Variants in NMNAT3 observed in about 807,000 individuals in gnomAD.
NMNAT3 encodes nicotinamide nucleotide adenylyltransferase 3.
Under a neutral mutation model 24.8 loss-of-function variants are expected in NMNAT3, and 21 were observed. The ratio of observed to expected loss-of-function variants is 0.85; its 90% CI spans 0.60 to 1.22. The LOEUF is 1.22. Ranked by LOEUF, NMNAT3 falls within the 50% of genes most tolerant of loss-of-function variation. NMNAT3 has a pLI of 0.00. For missense variants in NMNAT3, 387 were observed against 436.6 expected (o/e 0.89, Z 1.01); for synonymous variants, 136 against 155.2 (o/e 0.88, Z 0.92).
chr3:139,574,524 A>C (rs1938992715), intron 5 of NMNAT3, among the ~76,000 whole-genome samples: 1 of 152,244 alleles, frequency 6.6e-6, no homozygotes, highest in Non-Finnish European at 1.5e-5. Context: ...AAACACAGGC[A>C]ACCATTATAC....
chr3:139,569,249 A>T (rs1937676030), intron 6 of NMNAT3: 1 of 146,662 alleles, frequency 6.8e-6, no homozygotes, highest in Non-Finnish European at 1.5e-5. Context: ...TGCCCGTGAG[A>T]TGGGTTTCCT....
chr3:139,639,419 G>A (rs1053213444), intron 1 of NMNAT3, among the ~76,000 whole-genome samples: 1 of 152,212 alleles, frequency 6.6e-6, no homozygotes, highest in African/African-American at 2.4e-5. Flanking sequence ...GCTAACAGCA[G>A]CCTTGGAAGA....
chr3:139,597,063 T>C (rs1277290238), intron 3 of NMNAT3, among the ~76,000 whole-genome samples: 1 of 151,230 alleles, frequency 6.6e-6, no homozygotes, highest in Non-Finnish European at 1.5e-5. Context: ...TTAGTTCTAA[T>C]AGTTTTTCAA....
chr3:139,670,666 A>C (rs1006632224), intron 1 of NMNAT3, among the ~76,000 whole-genome samples: 1 of 152,228 alleles, frequency 6.6e-6, no homozygotes, highest in Non-Finnish European at 1.5e-5. Context: ...GTACACACAT[A>C]ATATCCAGTT....
At chr3:139,591,950 T>C (rs1190938717) in intron 3 of NMNAT3, among the ~76,000 whole-genome samples, 3 of 152,084 alleles carry the variant, frequency 2.0e-5, no homozygotes, top group South Asian at 2.1e-4. Flanking sequence ...TCACCAGCAA[T>C]GGAACAAAGC....
intron 1 of NMNAT3, among the ~76,000 whole-genome samples, chr3:139,649,056 C>G (rs1303348923): frequency 1.3e-5 from 2 of 152,122 alleles, no homozygotes; most frequent in African/African-American, 2.4e-5. Context: ...AGTGGACAGA[C>G]TTGGGCTTTA....
chr3:139,654,029 GCA>G (rs908217580), intron 1 of NMNAT3, among the ~76,000 whole-genome samples: 7 of 152,158 alleles, frequency 4.6e-5, no homozygotes, highest in African/African-American at 1.7e-4. Flanking sequence ...AGAGTACAGA[GCA>G]CACACAGTCT....
chr3:139,651,718 T>C (rs1317114171), intron 1 of NMNAT3, among the ~76,000 whole-genome samples: 1 of 152,162 alleles, frequency 6.6e-6, no homozygotes, highest in Non-Finnish European at 1.5e-5. Context: ...CCTAGACTCC[T>C]GGTCTCAGGG....
intron 1 of NMNAT3, among the ~76,000 whole-genome samples, chr3:139,659,400 G>C (rs1378937452): frequency 1.3e-5 from 2 of 152,184 alleles, no homozygotes; most frequent in Non-Finnish European, 2.9e-5. Context: ...GACTCCCCAA[G>C]TGTGATGGAA....
At chr3:139,573,819 C>G in intron 5 of NMNAT3, 139 bp from the exon 6 acceptor site, 2 of 505,022 alleles carry the variant, frequency 4.0e-6, no homozygotes, top group East Asian at 6.7e-5. Context: ...AGGGCCTACT[C>G]TGTGGCAGGC....
chr3:139,611,610 T>A (rs1227771631), intron 3 of NMNAT3, among the ~76,000 whole-genome samples: 2 of 152,134 alleles, frequency 1.3e-5, no homozygotes, highest in African/African-American at 4.8e-5. Flanking sequence ...TTTTGTGGGT[T>A]GTGGCATCTA....
At chr3:139,645,087 A>G (rs1331944388) in intron 1 of NMNAT3, among the ~76,000 whole-genome samples, 1 of 152,194 alleles carries the variant, frequency 6.6e-6, no homozygotes, top group Non-Finnish European at 1.5e-5. Context: ...CTGTAATCCC[A>G]GCTACTCAGG....
chr3:139,619,847 C>A (rs1346092517), intron 3 of NMNAT3, among the ~76,000 whole-genome samples: 1 of 152,194 alleles, frequency 6.6e-6, no homozygotes, highest in African/African-American at 2.4e-5. Flanking sequence ...CATCCTTTCT[C>A]CCCCTGCTAG....
At chr3:139,598,879 A>G (rs1467945284) in intron 3 of NMNAT3, among the ~76,000 whole-genome samples, 1 of 152,058 alleles carries the variant, frequency 6.6e-6, no homozygotes, top group Non-Finnish European at 1.5e-5. Context: ...GATGATGGAC[A>G]GTGAATTTTG....
rs142790899 is a variant in NMNAT3 at position 139,658,668 on chromosome 3, T to C, written c.-141+19037A>G. ...CTATCCATTTGGCAATCTCGCTTAC[T>C]GTTTTTGATGCCTTTCAAAAGAAGT... On this transcript the variant is annotated intron_variant, in intron 1 of 6. Transcript: ENST00000643695. Among the ~76,000 whole-genome samples the C allele has an allele frequency of 5.5e-3, 834 of 152,342 alleles. 12 individuals carry two copies. Among genetic ancestry groups the C allele is most frequent in the African/African-American group, 0.018 (756 of 41,576 alleles).
chr3:139,654,630 T>C (rs1234173741), intron 1 of NMNAT3, among the ~76,000 whole-genome samples: 1 of 152,204 alleles, frequency 6.6e-6, no homozygotes, highest in Non-Finnish European at 1.5e-5. Flanking sequence ...GACTAACTCA[T>C]GATCCAACCT....
At chr3:139,614,003 G>C (rs866509329) in intron 3 of NMNAT3, among the ~76,000 whole-genome samples, 48 of 152,068 alleles carry the variant, frequency 3.2e-4, no homozygotes, top group African/African-American at 1.1e-3. Context: ...GGGGGAAGGG[G>C]GGAGGGATAG....
At chr3:139,600,452 C>T (rs2054663143) in intron 3 of NMNAT3, among the ~76,000 whole-genome samples, 1 of 151,950 alleles carries the variant, frequency 6.6e-6, no homozygotes, top group South Asian at 2.1e-4. Flanking sequence ...ATTACAGGCA[C>T]CCACCACCAC....
intron 1 of NMNAT3, among the ~76,000 whole-genome samples, chr3:139,655,879 G>C (rs987963393): frequency 6.6e-6 from 1 of 152,150 alleles, no homozygotes; most frequent in Non-Finnish European, 1.5e-5. Flanking sequence ...TGCTTTTGAG[G>C]GTTTTCCAAG....
Sources: allele counts gnomAD v4.1 joint callset (sites outside exome capture counted in the v4.1 genomes callset), GRCh38; gene constraint gnomAD v4.1.1; transcripts MANE v1.5; gene names NCBI Gene and HGNC (gene_info 2026-07-23, HGNC 2026-07-21).